KSR2: variants seen among roughly 807,000 people sequenced by gnomAD.
The protein encoded by KSR2 is kinase suppressor of ras 2.
A neutral mutation model predicts 107.8 loss-of-function variants in KSR2; 25 were observed. The ratio of observed to expected loss-of-function variants is 0.23; its 90% confidence interval spans 0.17 to 0.32. The LOEUF (loss-of-function observed/expected upper bound fraction) is 0.32, where lower values mean the gene tolerates loss of function less well. KSR2 is among the 10% of genes least tolerant of loss of function. The pLI, the probability that KSR2 is intolerant of heterozygous loss-of-function variation, is 1.00. For missense variants in KSR2, 887 were observed against 1,268.9 expected (o/e 0.70, Z 4.57); for synonymous variants, 480 against 507.0 (o/e 0.95, Z 0.71).
chr12:117,579,100 G>T lies in KSR2; in HGVS notation c.1325+19C>A, dbSNP rs911958181. ...ACATCGGGTGCTGCGAAAAGTCACT[G>T]CAGGGCACAGTCACTTACTTGCAGT... is the stretch of plus-strand genomic sequence containing the variant. On this transcript the variant is annotated intron_variant, in intron 7 of 19. Transcript: ENST00000339824. The T allele has an allele frequency of 2.5e-6, 4 of 1,600,526 alleles. No individual in the cohort carries two copies. The highest frequency in any genetic ancestry group is 1.7e-5 in the Admixed American group (1 of 59,510).
chr12:117,664,441 A>G (rs948356509), intron 5 of KSR2, among the ~76,000 whole-genome samples: 1 of 152,142 alleles, frequency 6.6e-6, no homozygotes, highest in Non-Finnish European at 1.5e-5. Context: ...CTGGCTCAGC[A>G]GGAGGAAGGC....
chr12:117,735,607 C>G (rs758706621), intron 4 of KSR2, among the ~76,000 whole-genome samples: 1 of 152,042 alleles, frequency 6.6e-6, no homozygotes, highest in Non-Finnish European at 1.5e-5. Flanking sequence ...ATTTAAGATA[C>G]CAGTGTCACG....
chr12:117,528,059 A>G (rs946722953), intron 12 of KSR2, among the ~76,000 whole-genome samples: 3 of 151,736 alleles, frequency 2.0e-5, no homozygotes, highest in Non-Finnish European at 4.4e-5. Context: ...TTGGGTATAG[A>G]TGCTGGCGGG....
At position 117,464,355 on chromosome 12, in the gene KSR2, T is replaced by C. The variant is rs1485785647; in HGVS notation, c.*2844A>G. The C allele has an allele frequency of 6.6e-6, 1 of 152,244 alleles. No individual in the cohort carries two copies. Among genetic ancestry groups the C allele is most frequent in the Non-Finnish European group, 1.5e-5 (1 of 68,050 alleles). 9.4% of individuals were successfully genotyped at this position (152,244 alleles called of 1,614,324 possible). A position where few individuals can be genotyped will look rare whatever the true frequency, so the allele number is the denominator to read the frequency against. On this transcript the variant is annotated 3_prime_UTR_variant, in exon 20 of 20. Coordinates refer to ENST00000339824, the MANE Select transcript of KSR2 (RefSeq NM_173598.6). Reference sequence around the variant, plus strand: ...CTCGCTGCTGAGTCAGTGACTTATGTGTACAGGGCACCTGTGTGCAGCTGT... The same window carrying C: ...CTCGCTGCTGAGTCAGTGACTTATGCGTACAGGGCACCTGTGTGCAGCTGT...
rs1010101544 is a variant in KSR2, at chr12:117,760,102, G to A, written c.986+909C>T. 9.9e-5 allele frequency among the ~76,000 whole-genome samples: 15 copies of A among 152,064 alleles called. 1 individual carries two copies. Among genetic ancestry groups the A allele is most frequent in the Admixed American group, 7.9e-4 (12 of 15,280 alleles). On this transcript the variant is annotated intron_variant, in intron 4 of 19. Coordinates refer to ENST00000339824, the MANE Select transcript of KSR2 (RefSeq NM_173598.6). ...AGCCTGGGCAACAGAGCTAGACTCC[G>A]TCTCAAAAAAAAAGAAGTTTCTTCC...
At chr12:117,571,014 T>C (rs1459473393) in intron 7 of KSR2, among the ~76,000 whole-genome samples, 1 of 152,080 alleles carries the variant, frequency 6.6e-6, no homozygotes. Flanking sequence ...TCCCAGCACT[T>C]TGGGGAGCCG....
chr12:117,551,747 A>C (rs1877327694), intron 9 of KSR2, among the ~76,000 whole-genome samples: 1 of 152,190 alleles, frequency 6.6e-6, no homozygotes, highest in South Asian at 2.1e-4. Flanking sequence ...AGCCAGCGAG[A>C]AGGGAAAGAG....
chr12:117,644,107 C>A (rs1435651233), intron 5 of KSR2, among the ~76,000 whole-genome samples: 1 of 152,156 alleles, frequency 6.6e-6, no homozygotes, highest in Non-Finnish European at 1.5e-5. Context: ...TCCACCTCTG[C>A]AAATGTGGAT....
Position 117,635,521 on chromosome 12 carries a change from T to C in KSR2, c.1171+31953A>G, listed in dbSNP as rs539111870. ...AGGCAAAAGAGATGAAAGGTTAAGA[T>C]ACATGGTTTAAACCCAAGAGATGAT... is the stretch of plus-strand genomic sequence containing the variant. On this transcript the variant is annotated intron_variant, in intron 5 of 19. Coordinates refer to ENST00000339824, the MANE Select transcript of KSR2 (RefSeq NM_173598.6). Among the ~76,000 whole-genome samples the C allele has an allele frequency of 3.9e-5, 6 of 152,292 alleles. No homozygotes were observed. The East Asian group carries it at 7.7e-4, about 20-fold the overall frequency.
At chr12:117,688,663 G>GA (rs1038070559) in intron 4 of KSR2, among the ~76,000 whole-genome samples, 7 of 152,190 alleles carry the variant, frequency 4.6e-5, no homozygotes, top group African/African-American at 1.7e-4. Context: ...TCTAAGGCCT[G>GA]AAGGTTTAGT....
At chr12:117,481,134 A>G (rs1872152028) in intron 16 of KSR2, among the ~76,000 whole-genome samples, 1 of 152,162 alleles carries the variant, frequency 6.6e-6, no homozygotes, top group African/African-American at 2.4e-5. Context: ...AATCATCAAA[A>G]CAGCCTTATG....
At chr12:117,736,409 G>A (rs542292387) in intron 4 of KSR2, among the ~76,000 whole-genome samples, 23 of 152,264 alleles carry the variant, frequency 1.5e-4, no homozygotes, top group African/African-American at 5.3e-4. Flanking sequence ...TGAACTCCCA[G>A]TGCCTGGCCC....
intron 14 of KSR2, among the ~76,000 whole-genome samples, chr12:117,507,908 C>T (rs565817466): frequency 6.6e-6 from 1 of 152,204 alleles, no homozygotes; most frequent in South Asian, 2.1e-4. Flanking sequence ...CACCTTCTCT[C>T]CCTGTCCCCG....
chr12:117,457,721 A>G lies in KSR2; in HGVS notation c.*9478T>C, dbSNP rs995390195. On this transcript the variant is annotated 3_prime_UTR_variant, in exon 20 of 20. Coordinates refer to ENST00000339824, the MANE Select transcript of KSR2 (RefSeq NM_173598.6). The stretch of plus-strand genomic sequence containing the variant: ...GTCACCAGTACCAGGTGCTACTGGT[A>G]TCTTGTGGGGAGAGTTGAGGAAGCT... 1 of 152,212 alleles carries G rather than the reference A, an allele frequency of 6.6e-6. No individual in the cohort carries two copies. The highest frequency in any genetic ancestry group is 1.5e-5 in the Non-Finnish European group (1 of 68,058). The allele number at this position is 152,212 out of a possible 1,614,324, so 9.4% of individuals were successfully genotyped here.
intron 5 of KSR2, among the ~76,000 whole-genome samples, chr12:117,594,292 C>T (rs554741633): frequency 6.6e-6 from 1 of 152,240 alleles, no homozygotes; most frequent in Admixed American, 6.5e-5. Flanking sequence ...GCCAAAGACC[C>T]CAGCCAGGTT....
intron 1 of KSR2, among the ~76,000 whole-genome samples, chr12:117,957,748 T>TAC (rs60722226): frequency 0.12 from 17,196 of 147,420 alleles, 1,005 homozygotes; most frequent in Middle Eastern, 0.18. Flanking sequence ...AATTGTGAGT[T>TAC]ACACACACAC....
chr12:117,738,112 C>A (rs4767601), intron 4 of KSR2, among the ~76,000 whole-genome samples: 6 of 152,136 alleles, frequency 3.9e-5, no homozygotes, highest in Admixed American at 6.6e-5. Context: ...AAGGACTCAG[C>A]AATTGAGAGT....
At chr12:117,946,215 A>T (rs1434879852) in intron 1 of KSR2, among the ~76,000 whole-genome samples, 1 of 152,162 alleles carries the variant, frequency 6.6e-6, no homozygotes, top group Admixed American at 6.5e-5. Flanking sequence ...TATAGTAAGC[A>T]GAAGAAAGAA....
chr12:117,490,017 T>C (rs1385699926), intron 14 of KSR2, among the ~76,000 whole-genome samples: 1 of 152,186 alleles, frequency 6.6e-6, no homozygotes, highest in Non-Finnish European at 1.5e-5. Flanking sequence ...CTATATCACC[T>C]CCATGATTCC....
Sources: gnomAD v4.1 joint callset for allele counts (sites outside exome capture counted in the v4.1 genomes callset) on GRCh38, gnomAD v4.1.1 for gene constraint, MANE v1.5 for transcripts, NCBI Gene and HGNC (gene_info 2026-07-23, HGNC 2026-07-21) for gene names.